KCNQ3: variants seen among roughly 807,000 people sequenced by gnomAD.
The protein encoded by KCNQ3 is potassium voltage-gated channel subfamily KQT member 3.
A neutral mutation model predicts 92.5 loss-of-function variants in KCNQ3; 30 were observed. The observed-to-expected ratio is 0.32, with a 90% CI of 0.24 to 0.44. The LOEUF is 0.44. Ranked by LOEUF, KCNQ3 falls within the 20% of genes least tolerant of loss-of-function variation. The pLI, the probability that KCNQ3 is intolerant of heterozygous loss-of-function variation, is 1.00. For missense variants in KCNQ3, 913 were observed against 1,140.3 expected, an observed-to-expected ratio of 0.80 and a Z score of 2.87; for synonymous variants, 450 against 468.8, an observed-to-expected ratio of 0.96 and a Z score of 0.52.
chr8:132,203,287 G>A (rs535627352), intron 1 of KCNQ3, among the ~76,000 whole-genome samples: 5 of 152,180 alleles, frequency 3.3e-5, no homozygotes, highest in African/African-American at 4.8e-5. Context: ...AGCATGATAC[G>A]AACTGTGTGT....
intron 1 of KCNQ3, among the ~76,000 whole-genome samples, chr8:132,439,528 G>A (rs531347491): frequency 3.9e-5 from 6 of 152,284 alleles, no homozygotes; most frequent in Admixed American, 3.9e-4. Context: ...AGTCAAGGTT[G>A]CTGAAGGAAC....
intron 7 of KCNQ3, among the ~76,000 whole-genome samples, chr8:132,171,168 G>A (rs1026350907): frequency 1.3e-5 from 2 of 152,144 alleles, no homozygotes; most frequent in Admixed American, 6.5e-5. Flanking sequence ...TACCAGATGA[G>A]GTTTTGACAT....
chr8:132,419,682 T>G (rs1175081326), intron 1 of KCNQ3, among the ~76,000 whole-genome samples: 2 of 152,196 alleles, frequency 1.3e-5, no homozygotes, highest in African/African-American at 4.8e-5. Context: ...CAGGTGCTAT[T>G]CTAGGTGTTG....
intron 8 of KCNQ3, 68 bp downstream of exon 8, chr8:132,170,266 G>A: frequency 7.0e-6 from 8 of 1,149,470 alleles, no homozygotes; most frequent in Non-Finnish European, 9.2e-6. Context: ...TGAGGCCACA[G>A]ACACGAATAC....
At chr8:132,221,102 T>A (rs1814214133) in intron 1 of KCNQ3, among the ~76,000 whole-genome samples, 1 of 152,210 alleles carries the variant, frequency 6.6e-6, no homozygotes, top group Non-Finnish European at 1.5e-5. Context: ...TTGCTCAGAA[T>A]GATGGTATAC....
chr8:132,251,371 A>G (rs1437258563), intron 1 of KCNQ3, among the ~76,000 whole-genome samples: 10 of 152,218 alleles, frequency 6.6e-5, no homozygotes, highest in Admixed American at 1.3e-4. Context: ...AAAAGCTGTA[A>G]AAAGATCCAT....
intron 9 of KCNQ3, among the ~76,000 whole-genome samples, 169 bp from the exon 10 acceptor site, chr8:132,141,500 A>G (rs953978614): frequency 6.6e-6 from 1 of 152,158 alleles, no homozygotes; most frequent in Non-Finnish European, 1.5e-5. Flanking sequence ...GCGTGGTTCA[A>G]ATCCTAGCTC....
In KCNQ3 at chr8:132,156,165, G is replaced by A. The variant is rs75411805; in HGVS notation, c.1262+7303C>T. On this transcript the variant is annotated intron_variant, in intron 9 of 14. Transcript: ENST00000388996. ...AATCTCTTGTCTGAATAATACACCA[G>A]TTGATCAGCACTGATCTCTAGTGAG... Among the ~76,000 whole-genome samples, 1,049 of 151,960 alleles carry A rather than the reference G, an allele frequency of 6.9e-3. 14 individuals are homozygous for A. The highest frequency in any genetic ancestry group is 0.024 in the African/African-American group (993 of 41,498).
intron 9 of KCNQ3, among the ~76,000 whole-genome samples, chr8:132,141,588 A>G (rs1006439531): frequency 1.3e-5 from 2 of 152,198 alleles, no homozygotes; most frequent in Non-Finnish European, 2.9e-5. Flanking sequence ...TGTAGCTTAC[A>G]TGAGGTGCCC....
At chr8:132,409,073 A>C (rs1820578279) in intron 1 of KCNQ3, among the ~76,000 whole-genome samples, 1 of 152,226 alleles carries the variant, frequency 6.6e-6, no homozygotes, top group Non-Finnish European at 1.5e-5. Flanking sequence ...TATAGCAGTA[A>C]AATCTCAAAG....
intron 1 of KCNQ3, among the ~76,000 whole-genome samples, chr8:132,399,220 G>T (rs1490159572): frequency 2.0e-5 from 3 of 152,306 alleles, no homozygotes; most frequent in South Asian, 2.1e-4. Context: ...CTCTTTTAAT[G>T]AGTTACAGAA....
At chr8:132,131,363 AG>A (rs1824871194) in intron 14 of KCNQ3, among the ~76,000 whole-genome samples, 1 of 152,224 alleles carries the variant, frequency 6.6e-6, no homozygotes, top group African/African-American at 2.4e-5. Context: ...TTGCTGTGAA[AG>A]CAAGAGTGAG....
At chr8:132,413,158 G>A (rs945949893) in intron 1 of KCNQ3, among the ~76,000 whole-genome samples, 11 of 152,142 alleles carry the variant, frequency 7.2e-5, no homozygotes, top group Admixed American at 2.6e-4. Context: ...AAGTGTTCTC[G>A]CCACGCTACA....
intron 1 of KCNQ3, among the ~76,000 whole-genome samples, chr8:132,300,176 A>G (rs1817170238): frequency 6.6e-6 from 1 of 152,244 alleles, no homozygotes. Context: ...ATTAAGGGAA[A>G]GAAAGGACAA....
rs146354619 is a variant in KCNQ3, at chr8:132,242,407, T to A, written c.387-56226A>T. On this transcript the variant is annotated intron_variant, in intron 1 of 14. Coordinates refer to ENST00000388996, the MANE Select transcript of KCNQ3 (RefSeq NM_004519.4). ...GCCTTATCTGATCATTAAAACGGCTTCAAAAGATTGACAATATTTATGCTT... is the reference window on the plus strand; with the variant it reads ...GCCTTATCTGATCATTAAAACGGCTACAAAAGATTGACAATATTTATGCTT... Among the ~76,000 whole-genome samples the A allele has an allele frequency of 4.0e-3, 616 of 152,206 alleles. 3 individuals carry two copies. The highest frequency in any genetic ancestry group is 0.014 in the African/African-American group (575 of 41,532).
In KCNQ3 at chr8:132,335,134, G is replaced by A. The variant is rs184702669; in HGVS notation, c.386+145013C>T. ...CAGCTCACTGCAACCTCCACCTCCCGGGTTCAAGTGATTCTCCTGCCTCAG... is the reference window on the plus strand; with the variant it reads ...CAGCTCACTGCAACCTCCACCTCCCAGGTTCAAGTGATTCTCCTGCCTCAG... On this transcript the variant is annotated intron_variant, in intron 1 of 14. Transcript: ENST00000388996. Among the ~76,000 whole-genome samples the A allele has an allele frequency of 3.9e-4, 59 of 151,798 alleles. 1 individual carries two copies. The South Asian group carries it at 5.9e-3, about 15-fold the overall frequency.
At chr8:132,366,118 C>T (rs944985738) in intron 1 of KCNQ3, among the ~76,000 whole-genome samples, 5 of 152,196 alleles carry the variant, frequency 3.3e-5, no homozygotes, top group Non-Finnish European at 5.9e-5. Context: ...CTGAAGAGCC[C>T]GTTAGTCTCT....
At chr8:132,251,324 A>G (rs1226697668) in intron 1 of KCNQ3, among the ~76,000 whole-genome samples, 3 of 152,210 alleles carry the variant, frequency 2.0e-5, no homozygotes, top group Admixed American at 6.5e-5. Flanking sequence ...TTGAACTGCA[A>G]GAAGGGGAGC....
chr8:132,244,622 T>C (rs1037960380), intron 1 of KCNQ3, among the ~76,000 whole-genome samples: 1 of 152,202 alleles, frequency 6.6e-6, no homozygotes, highest in African/African-American at 2.4e-5. Flanking sequence ...AAACATCTCA[T>C]GAACAAAATC....
Sources: gnomAD v4.1 joint callset for allele counts (sites outside exome capture counted in the v4.1 genomes callset) on GRCh38, gnomAD v4.1.1 for gene constraint, MANE v1.5 for transcripts, NCBI Gene and HGNC (gene_info 2026-07-23, HGNC 2026-07-21) for gene names.